Variants in CLOCK observed in about 807,000 individuals in gnomAD.
The protein encoded by CLOCK is clock circadian regulator, also known as circadian locomoter output cycles protein kaput.
CLOCK carries 43 observed loss-of-function variants against 118.4 expected under a neutral mutation model. The observed-to-expected ratio is 0.36, with a 90% CI of 0.28 to 0.47. The LOEUF (loss-of-function observed/expected upper bound fraction) is 0.47. Ranked by LOEUF, CLOCK falls within the 20% of genes least tolerant of loss-of-function variation. CLOCK has a pLI of 1.00. For synonymous variants in CLOCK, 326 were observed against 339.2 expected (o/e 0.96, Z 0.43); for missense variants, 846 against 999.9 (o/e 0.85, Z 2.08).
rs1277296481 is a variant in CLOCK, at chr4:55,428,786, A to ACTT, written c.*6626_*6628dup. The ACTT allele has an allele frequency of 3.3e-5, 5 of 149,912 alleles. No individual in the cohort carries two copies. Among genetic ancestry groups the ACTT allele is most frequent in the Non-Finnish European group, 6.0e-5 (4 of 67,148 alleles). The allele number at this position is 149,912 out of a possible 1,614,324, so 9.3% of individuals were successfully genotyped here. ...ACAATGAAAAATTTACAAAGGTAAA[A>ACTT]CTTTTTTTTTTTTTTTGCACTGACT... On this transcript the variant is annotated 3_prime_UTR_variant, in exon 23 of 23. Transcript: ENST00000513440.
intron 8 of CLOCK, among the ~76,000 whole-genome samples, chr4:55,467,456 A>T (rs531356930): frequency 8.0e-4 from 122 of 152,346 alleles, no homozygotes; most frequent in Non-Finnish European, 1.6e-3. Context: ...ATACAAGGTA[A>T]CAGTAGAACA....
chr4:55,457,912 T>C (rs988528827), intron 11 of CLOCK, among the ~76,000 whole-genome samples: 19 of 151,768 alleles, frequency 1.3e-4, no homozygotes, highest in African/African-American at 3.4e-4. Context: ...ATCTAACTTA[T>C]AGGGTTGTCA....
At chr4:55,538,172 T>C (rs568149108) in intron 1 of CLOCK, among the ~76,000 whole-genome samples, 6 of 152,290 alleles carry the variant, frequency 3.9e-5, no homozygotes, top group African/African-American at 1.4e-4. Flanking sequence ...AATAGAGTAT[T>C]ATAAGCAACT....
rs573109995 is a variant in CLOCK, at chr4:55,517,381, G to A, written c.-289-7316C>T. Among the ~76,000 whole-genome samples, 90 of 152,162 alleles carry A rather than the reference G, an allele frequency of 5.9e-4. 1 individual carries two copies. The highest frequency in any genetic ancestry group is 2.2e-3 in the Admixed American group (33 of 15,278). On this transcript the variant is annotated intron_variant, in intron 1 of 22. Transcript: ENST00000513440. ...AAAAATTAGCCGGGTGTGGTGGCAC[G>A]GGCCTGTAGTCCCAGCTACTCAGGA... is the stretch of plus-strand genomic sequence containing the variant.
At chr4:55,476,694 G>A (rs1164566249) in intron 6 of CLOCK, among the ~76,000 whole-genome samples, 1 of 151,972 alleles carries the variant, frequency 6.6e-6, no homozygotes, top group African/African-American at 2.4e-5. Flanking sequence ...CCCTGCTGTG[G>A]GACATATGTT....
At position 55,431,377 on chromosome 4, in the gene CLOCK, T is replaced by C. The variant is rs1338464070; in HGVS notation, c.*4038A>G. 6.6e-6 allele frequency: 1 copy of C among 152,204 alleles called. No individual in the cohort carries two copies. The highest frequency in any genetic ancestry group is 2.4e-5 in the African/African-American group (1 of 41,460). The allele number at this position is 152,204 out of a possible 1,614,324, so 9.4% of individuals were successfully genotyped here. ...TATAGTTATATACAAATATATTAAA[T>C]ATACTATAAAAATAGTCGATTCTAT... On this transcript the variant is annotated 3_prime_UTR_variant, in exon 23 of 23. Transcript: ENST00000513440.
rs371660174 is a variant in CLOCK at position 55,525,482 on chromosome 4, AT to A, written c.-289-15418del. Among the ~76,000 whole-genome samples, 39 of 152,230 alleles carry A rather than the reference AT, an allele frequency of 2.6e-4. No individual in the cohort carries two copies. The East Asian group carries it at 3.9e-3, about 15-fold the overall frequency. On this transcript the variant is annotated intron_variant, in intron 1 of 22. Transcript: ENST00000513440. ...AGAGCAAGACCTTGTCTCTAAAAAAATAAAATAAAATAAATGAATAATAAAC... is the reference window on the plus strand; with the variant it reads ...AGAGCAAGACCTTGTCTCTAAAAAAAAAAATAAAATAAATGAATAATAAAC...
At chr4:55,518,590 T>C (rs1253374940) in intron 1 of CLOCK, among the ~76,000 whole-genome samples, 1 of 152,134 alleles carries the variant, frequency 6.6e-6, no homozygotes, top group Admixed American at 6.5e-5. Context: ...GGCCTTTGGA[T>C]GGTGATTAGG....
chr4:55,458,754 A>G (rs1725096214), intron 11 of CLOCK, 138 bp downstream of exon 11: 1 of 661,950 alleles, frequency 1.5e-6, no homozygotes, highest in Non-Finnish European at 2.7e-6. Flanking sequence ...GAGTGTCTTG[A>G]TAACTCATCG....
chr4:55,495,210 T>C (rs1337978027), intron 2 of CLOCK, among the ~76,000 whole-genome samples: 1 of 152,128 alleles, frequency 6.6e-6, no homozygotes, highest in Non-Finnish European at 1.5e-5. Context: ...TGACCCCTTT[T>C]CTCTTCCTCC....
chr4:55,504,977 G>A (rs111461253), intron 2 of CLOCK, among the ~76,000 whole-genome samples: 5,124 of 152,222 alleles, frequency 0.034, 102 homozygotes, highest in Non-Finnish European at 0.054. Flanking sequence ...GAGGTCAGGA[G>A]TTCGAGACCA....
intron 13 of CLOCK, 121 bp from the exon 14 acceptor site, chr4:55,453,945 T>C (rs1243014123): frequency 5.5e-6 from 4 of 729,712 alleles, no homozygotes; most frequent in Non-Finnish European, 9.0e-6. Context: ...GGCCTTTTGA[T>C]AACATATATG....
chr4:55,535,170 G>T (rs1730808771), intron 1 of CLOCK, among the ~76,000 whole-genome samples: 1 of 63,334 alleles, frequency 1.6e-5, no homozygotes, highest in Admixed American at 1.7e-4. Flanking sequence ...AATACAGAAA[G>T]ACCTCTTTAT....
chr4:55,491,562 T>C (rs1220710539), intron 2 of CLOCK, among the ~76,000 whole-genome samples: 1 of 151,954 alleles, frequency 6.6e-6, no homozygotes, highest in Non-Finnish European at 1.5e-5. Context: ...ACCAACAAAT[T>C]AGATAACCTA....
intron 3 of CLOCK, among the ~76,000 whole-genome samples, chr4:55,483,381 C>G (rs189724306): frequency 2.3e-4 from 35 of 152,090 alleles, no homozygotes; most frequent in African/African-American, 8.5e-4. Flanking sequence ...AGAGGGGAAA[C>G]GAGGAAATAT....
At chr4:55,530,774 C>CAAAAAAAAAAAAAAAAAAAAAAA (rs60810379) in intron 1 of CLOCK, among the ~76,000 whole-genome samples, 4 of 33,046 alleles carry the variant, frequency 1.2e-4, no homozygotes, top group East Asian at 6.1e-4. Flanking sequence ...GACTCCATCG[C>CAAAAAAAAAAAAAAAAAAAAAAA]AAAAAAAAAA....
At chr4:55,511,234 T>C (rs1488726260) in intron 1 of CLOCK, among the ~76,000 whole-genome samples, 1 of 142,100 alleles carries the variant, frequency 7.0e-6, no homozygotes, top group Non-Finnish European at 1.6e-5. Context: ...GACATATATT[T>C]ATTCAATCCT....
chr4:55,478,776 T>G, intron 6 of CLOCK, 39 bp downstream of exon 6: 1 of 1,596,624 alleles, frequency 6.3e-7, no homozygotes, highest in Non-Finnish European at 8.6e-7. Context: ...TAACTAATGC[T>G]TTGAGAGTCT....
intron 2 of CLOCK, among the ~76,000 whole-genome samples, chr4:55,507,226 G>A (rs749756453): frequency 3.0e-4 from 46 of 152,038 alleles, no homozygotes; most frequent in Non-Finnish European, 2.9e-4. Flanking sequence ...AAGGTGCGAC[G>A]ATCGCTTGAG....
Sources: gnomAD v4.1 joint callset for allele counts (sites outside exome capture counted in the v4.1 genomes callset) on GRCh38, gnomAD v4.1.1 for gene constraint, MANE v1.5 for transcripts, NCBI Gene and HGNC (gene_info 2026-07-23, HGNC 2026-07-21) for gene names.